The following CCM2 variants were observed in gnomAD, a reference collection of about 807,000 sequenced individuals.
CCM2 encodes cerebral cavernous malformations 2 protein.
A neutral mutation model predicts 44.9 loss-of-function variants in CCM2; 25 were observed. The ratio of observed to expected loss-of-function variants is 0.56; its 90% CI spans 0.41 to 0.78. The LOEUF (loss-of-function observed/expected upper bound fraction) is 0.78, where lower values mean the gene tolerates loss of function less well. CCM2 is among the 30% of genes least tolerant of loss of function. CCM2 has a pLI of 0.00. For synonymous variants in CCM2, 219 were observed against 241.1 expected (o/e 0.91, Z 0.85); for missense variants, 481 against 580.6 (o/e 0.83, Z 1.76).
At chr7:45,025,406 G>A (rs1026279063) in intron 1 of CCM2, among the ~76,000 whole-genome samples, 1 of 151,270 alleles carries the variant, frequency 6.6e-6, no homozygotes, top group Non-Finnish European at 1.5e-5. Flanking sequence ...GGCCAACCCC[G>A]CAGTTCTCCT....
At chr7:45,045,762 G>T (rs1018969036) in intron 2 of CCM2, among the ~76,000 whole-genome samples, 5 of 152,216 alleles carry the variant, frequency 3.3e-5, no homozygotes, top group African/African-American at 1.2e-4. Context: ...CTGCACTCCA[G>T]CCTGGGTGAC....
chr7:45,072,110 T>G, intron 6 of CCM2: 1 of 344,222 alleles, frequency 2.9e-6, no homozygotes, highest in Non-Finnish European at 5.7e-6. Flanking sequence ...CTGTCTGTGC[T>G]GGTGTGAAAT....
chr7:45,011,917 C>CT (rs943980558), intron 1 of CCM2, among the ~76,000 whole-genome samples: 4 of 152,080 alleles, frequency 2.6e-5, no homozygotes, highest in African/African-American at 9.7e-5. Context: ...CCAGGGTGGT[C>CT]TTGGACACCT....
chr7:45,060,534 T>C (rs994372287), intron 2 of CCM2, among the ~76,000 whole-genome samples: 1 of 152,262 alleles, frequency 6.6e-6, no homozygotes, highest in African/African-American at 2.4e-5. Flanking sequence ...CAAATAGTTA[T>C]TGTGTTCTTT....
chr7:45,031,070 C>CT (rs1796943367), intron 1 of CCM2, among the ~76,000 whole-genome samples: 2 of 151,928 alleles, frequency 1.3e-5, no homozygotes, highest in East Asian at 1.9e-4. Flanking sequence ...TATTTTCTTT[C>CT]TTTTTTTAGA....
chr7:45,002,443 C>G (rs775536566), intron 1 of CCM2, among the ~76,000 whole-genome samples: 1 of 152,064 alleles, frequency 6.6e-6, no homozygotes, highest in Non-Finnish European at 1.5e-5. Context: ...GCAGCGCTCG[C>G]CTATAGTCTC....
At chr7:45,073,654 G>T in intron 8 of CCM2, 83 bp downstream of exon 8, 1 of 971,584 alleles carries the variant, frequency 1.0e-6, no homozygotes, top group Non-Finnish European at 1.6e-6. Context: ...GGAGGAGGAG[G>T]AGCAGTGCAG....
rs745832314 is a variant in CCM2, at chr7:45,026,123, C to T, written c.31-12130C>T. On this transcript the variant is annotated intron_variant, in intron 1 of 9. Transcript: ENST00000258781. ...GGTGAGGCTGCTCAGCTGAGTGGCA[C>T]CTCTTTCTGTATCTCCCTCCTGGTT... 4.6e-5 allele frequency among the ~76,000 whole-genome samples: 7 copies of T among 152,188 alleles called. No individual in the cohort carries two copies. The South Asian group carries it at 1.0e-3, about 22-fold the overall frequency.
chr7:45,044,334 C>T (rs1369051466), intron 2 of CCM2, among the ~76,000 whole-genome samples: 2 of 152,152 alleles, frequency 1.3e-5, no homozygotes, highest in Non-Finnish European at 2.9e-5. Flanking sequence ...GATGGGGTTT[C>T]ACCGTGTTGG....
At chr7:45,010,014 A>T (rs965810357) in intron 1 of CCM2, among the ~76,000 whole-genome samples, 4 of 151,580 alleles carry the variant, frequency 2.6e-5, no homozygotes, top group Non-Finnish European at 5.9e-5. Flanking sequence ...GACTCAAGTG[A>T]TCCTCCCGCC....
intron 1 of CCM2, among the ~76,000 whole-genome samples, chr7:45,023,728 T>C (rs1796571560): frequency 6.6e-6 from 1 of 151,454 alleles, no homozygotes; most frequent in South Asian, 2.1e-4. Context: ...GAAATCTTTT[T>C]TTTTTTTTTT....
chr7:45,019,627 G>A (rs1796402611), intron 1 of CCM2, among the ~76,000 whole-genome samples: 1 of 151,990 alleles, frequency 6.6e-6, no homozygotes, highest in African/African-American at 2.4e-5. Context: ...CTGTTACCCA[G>A]GTTAGAGTGC....
intron 2 of CCM2, among the ~76,000 whole-genome samples, chr7:45,057,198 T>C (rs1798303020): frequency 1.3e-5 from 2 of 152,038 alleles, no homozygotes; most frequent in African/African-American, 4.8e-5. Context: ...AGTCTCACTC[T>C]GTTACCCAGG....
intron 2 of CCM2, chr7:45,043,708 G>T (rs1284515247): frequency 1.3e-5 from 5 of 391,506 alleles, no homozygotes; most frequent in Non-Finnish European, 2.0e-5. Context: ...TCCTTCTAGG[G>T]CTCCCATTAA....
At chr7:45,043,205 G>C (rs1038888927) in intron 2 of CCM2, among the ~76,000 whole-genome samples, 6 of 152,106 alleles carry the variant, frequency 3.9e-5, no homozygotes, top group African/African-American at 1.4e-4. Flanking sequence ...CTAGACTCAA[G>C]CAGTCCTCCC....
intron 1 of CCM2, among the ~76,000 whole-genome samples, chr7:45,028,348 T>A (rs1796786581): frequency 6.6e-6 from 1 of 152,110 alleles, no homozygotes; most frequent in Non-Finnish European, 1.5e-5. Flanking sequence ...TGGGCAGAGC[T>A]CTGGTTCCCC....
At chr7:45,076,470 A>G, downstream of CCM2, 2 of 359,130 alleles carry the variant, frequency 5.6e-6, no homozygotes, top group South Asian at 4.2e-5. Flanking sequence ...GTTGCCAAGC[A>G]TGTTTCTGAT....
chr7:45,061,315 G>C (rs926664326), intron 2 of CCM2, among the ~76,000 whole-genome samples: 10 of 152,150 alleles, frequency 6.6e-5, no homozygotes, highest in African/African-American at 2.4e-4. Context: ...CCTTAGGAGA[G>C]ACATAAACGA....
At chr7:45,024,088 G>C (rs1796594793) in intron 1 of CCM2, among the ~76,000 whole-genome samples, 1 of 152,144 alleles carries the variant, frequency 6.6e-6, no homozygotes, top group Non-Finnish European at 1.5e-5. Context: ...TGGGATTACA[G>C]GCATGAGCCA....
Sources: gnomAD v4.1 joint callset for allele counts (sites outside exome capture counted in the v4.1 genomes callset) on GRCh38, gnomAD v4.1.1 for gene constraint, MANE v1.5 for transcripts, NCBI Gene and HGNC (gene_info 2026-07-23, HGNC 2026-07-21) for gene names.